PRR5L: variants seen among roughly 807,000 people sequenced by gnomAD.
The protein encoded by PRR5L is proline rich 5 like.
Under a neutral mutation model 36.4 loss-of-function variants are expected in PRR5L, and 21 were observed. The observed-to-expected ratio is 0.58, with a 90% CI of 0.41 to 0.83. The LOEUF (loss-of-function observed/expected upper bound fraction) is 0.83. PRR5L is among the 40% of genes least tolerant of loss of function. The pLI is 0.00. For missense variants in PRR5L, 381 were observed against 473.3 expected (o/e 0.80, Z 1.81); for synonymous variants, 188 against 197.0 (o/e 0.95, Z 0.38).
At chr11:36,451,472 A>G in intron 8 of PRR5L, 137 bp downstream of exon 8, 2 of 1,073,644 alleles carry the variant, frequency 1.9e-6, no homozygotes, top group Non-Finnish European at 2.7e-6. Context: ...TGTGCGGGTC[A>G]GTGCAAATCC....
chr11:36,462,308 C>T (rs1859202734), intron 8 of PRR5L, 34 bp from the exon 9 acceptor site: 1 of 1,486,540 alleles, frequency 6.7e-7, no homozygotes, highest in Non-Finnish European at 8.9e-7. Flanking sequence ...TACCCCCTCC[C>T]CAATAACAGT....
At chr11:36,388,118 A>G (rs1333025718) in intron 1 of PRR5L, 2 of 152,230 alleles carry the variant, frequency 1.3e-5, no homozygotes, top group African/African-American at 2.4e-5. Context: ...CCCATTTATG[A>G]TGCATAGCGC....
chr11:36,440,116 G>T (rs1234171548), intron 6 of PRR5L, among the ~76,000 whole-genome samples: 3 of 152,148 alleles, frequency 2.0e-5, no homozygotes, highest in African/African-American at 7.2e-5. Context: ...TATAAACCGG[G>T]TACCCCATAC....
At chr11:36,450,356 C>T (rs1858917848) in intron 7 of PRR5L, among the ~76,000 whole-genome samples, 2 of 152,216 alleles carry the variant, frequency 1.3e-5, no homozygotes, top group African/African-American at 4.8e-5. Flanking sequence ...TGGCCAGTCC[C>T]CTCTCCTGCC....
chr11:36,367,284 T>G (rs1857154162), intron 1 of PRR5L, among the ~76,000 whole-genome samples: 1 of 152,232 alleles, frequency 6.6e-6, no homozygotes, highest in Non-Finnish European at 1.5e-5. Flanking sequence ...AGATTATTTA[T>G]GTGGGGAAAC....
At position 36,447,752 on chromosome 11, in the gene PRR5L, C is replaced by T. The variant is rs186085570; in HGVS notation, c.585+1312C>T. ...ATCCTTCTGGGCATTCTCCCCCTTT[C>T]CTGTAATTAGAGAGGAGGAAGAGTT... On this transcript the variant is annotated intron_variant, in intron 7 of 8. Transcript: ENST00000530639. 3.1e-3 allele frequency among the ~76,000 whole-genome samples: 467 copies of T among 152,272 alleles called. 6 individuals carry two copies. The highest frequency in any genetic ancestry group is 9.0e-3 in the African/African-American group (375 of 41,542).
chr11:36,423,315 T>C (rs887097500), intron 4 of PRR5L, among the ~76,000 whole-genome samples: 5 of 152,150 alleles, frequency 3.3e-5, no homozygotes, highest in African/African-American at 1.2e-4. Flanking sequence ...TCTGCAAGAG[T>C]CCCAGGAGGC....
rs61754948 is a variant in PRR5L at position 36,462,520 on chromosome 11, G to C, written c.891G>C (p.Ser297=). 2 of 1,608,498 alleles carry C rather than the reference G, an allele frequency of 1.2e-6. No homozygotes were observed. ...VRRHTVANAH[S]DIQLLAMATM... is the part of the protein sequence containing the mutation. The stretch of plus-strand genomic sequence containing the variant: ...GGCACACGGTGGCCAATGCCCACTC[G>C]GACATCCAGCTGCTGGCCATGGCCA... Residue 297 remains serine, a synonymous_variant, in exon 9 of 9, where the codon TCG becomes TCC. Coordinates refer to ENST00000530639, the MANE Select transcript of PRR5L (RefSeq NM_001160167.2).
intron 1 of PRR5L, among the ~76,000 whole-genome samples, chr11:36,356,723 G>A (rs753845564): frequency 2.6e-5 from 4 of 152,124 alleles, no homozygotes; most frequent in East Asian, 3.8e-4. Context: ...CACTGTACCC[G>A]ATAAGATGGC....
At chr11:36,367,908 C>A (rs1474493170) in intron 1 of PRR5L, among the ~76,000 whole-genome samples, 1 of 150,658 alleles carries the variant, frequency 6.6e-6, no homozygotes, top group Non-Finnish European at 1.5e-5. Context: ...GAAGTGAGGA[C>A]TTGAGGATGA....
intron 1 of PRR5L, chr11:36,376,472 G>C: frequency 9.0e-6 from 10 of 1,112,990 alleles, no homozygotes; most frequent in Non-Finnish European, 1.1e-5. Flanking sequence ...GAGAGGAACC[G>C]AGGCTGGACG....
At chr11:36,411,696 T>C (rs1317251465) in intron 3 of PRR5L, among the ~76,000 whole-genome samples, 3 of 152,204 alleles carry the variant, frequency 2.0e-5, no homozygotes, top group Non-Finnish European at 4.4e-5. Context: ...CTGCTGAGGC[T>C]GAGGGGTTGC....
chr11:36,362,030 A>G (rs924874768), intron 1 of PRR5L: 3 of 150,386 alleles, frequency 2.0e-5, no homozygotes, highest in African/African-American at 2.5e-5. Context: ...GGGGGTGCTG[A>G]AGTAATAACA....
chr11:36,411,493 C>G (rs1418806709), intron 3 of PRR5L, among the ~76,000 whole-genome samples: 1 of 152,162 alleles, frequency 6.6e-6, no homozygotes, highest in Non-Finnish European at 1.5e-5. Context: ...CTTTTGGCTT[C>G]TGGCTGAACT....
intron 1 of PRR5L, among the ~76,000 whole-genome samples, chr11:36,382,963 T>C (rs2133530305): frequency 6.6e-6 from 1 of 152,228 alleles, no homozygotes; most frequent in South Asian, 2.1e-4. Flanking sequence ...AATAAGGTGA[T>C]AGAGATGGCC....
Position 36,462,616 on chromosome 11 carries a change from C to T in PRR5L, c.987C>T (p.Phe329=), listed in dbSNP as rs143061946. 194 of 1,612,326 alleles carry T rather than the reference C, an allele frequency of 1.2e-4. No individual in the cohort carries two copies. The Middle Eastern group carries it at 1.9e-3, about 15-fold the overall frequency. Residue 329 remains phenylalanine, a synonymous_variant, in exon 9 of 9, where the codon TTC becomes TTT. Coordinates refer to ENST00000530639, the MANE Select transcript of PRR5L (RefSeq NM_001160167.2). ...AGTGCCTGCTCCTGCCACCCAGCTTCCCCCCGCCCCACCGGCAGTGCTCCA... is the reference window on the plus strand; with the variant it reads ...AGTGCCTGCTCCTGCCACCCAGCTTTCCCCCGCCCCACCGGCAGTGCTCCA... ...ENKCLLLPPS[F]PPPHRQCSSE...
chr11:36,370,131 C>T (rs1857183381), intron 1 of PRR5L, among the ~76,000 whole-genome samples: 2 of 152,304 alleles, frequency 1.3e-5, no homozygotes, highest in South Asian at 2.1e-4. Flanking sequence ...TCTTGTCCCC[C>T]ACCCCACCTG....
At chr11:36,440,724 G>T (rs1590594269) in intron 6 of PRR5L, among the ~76,000 whole-genome samples, 1 of 152,164 alleles carries the variant, frequency 6.6e-6, no homozygotes, top group South Asian at 2.1e-4. Flanking sequence ...AGGCTTGTTT[G>T]GCTCATGGTT....
chr11:36,426,865 A>G (rs1858393656), intron 4 of PRR5L, among the ~76,000 whole-genome samples: 1 of 152,222 alleles, frequency 6.6e-6, no homozygotes, highest in African/African-American at 2.4e-5. Flanking sequence ...CTGTGTGGAA[A>G]GTTCTTCCTG....
Sources: allele counts gnomAD v4.1 joint callset (sites outside exome capture counted in the v4.1 genomes callset), GRCh38; gene constraint gnomAD v4.1.1; transcripts MANE v1.5; gene names NCBI Gene and HGNC (gene_info 2026-07-23, HGNC 2026-07-21).